Variants in CPED1 observed in about 807,000 individuals in gnomAD.
The protein encoded by CPED1 is cadherin like and PC-esterase domain containing 1, also known as cadherin-like and PC-esterase domain-containing protein 1.
In CPED1, 114 loss-of-function variants were observed where a neutral mutation model predicts 128.2. That is an observed-to-expected ratio of 0.89 (90% CI 0.76 to 1.04). CPED1 has a LOEUF of 1.04. Among genes scored for constraint, CPED1 ranks in the 50% least tolerant of loss-of-function variants. The probability of loss-of-function intolerance (pLI) is 0.00; values close to 1 mark genes in which losing one functional copy is unlikely to be tolerated. For synonymous variants in CPED1, 462 were observed against 426.7 expected, an observed-to-expected ratio of 1.08 and a Z score of -1.02; for missense variants, 1,211 against 1,207.1, an observed-to-expected ratio of 1.00 and a Z score of -0.05.
intron 16 of CPED1, among the ~76,000 whole-genome samples, chr7:121,199,402 G>A (rs775585960): frequency 5.9e-5 from 9 of 151,894 alleles, no homozygotes; most frequent in African/African-American, 1.9e-4. Context: ...ACATAGGGCT[G>A]AGCGCGGTGG....
At chr7:121,107,657 G>A (rs1390434701) in intron 7 of CPED1, among the ~76,000 whole-genome samples, 1 of 152,050 alleles carries the variant, frequency 6.6e-6, no homozygotes, top group Non-Finnish European at 1.5e-5. Context: ...TCGCTTTAAT[G>A]CTTAAGTTTA....
chr7:121,291,185 A>G (rs1351262287), intron 22 of CPED1, among the ~76,000 whole-genome samples: 1 of 152,214 alleles, frequency 6.6e-6, no homozygotes. Context: ...TACCAGTACC[A>G]TGCTGTTTTG....
At chr7:121,026,382 C>T (rs1428360381) in intron 3 of CPED1, among the ~76,000 whole-genome samples, 1 of 152,154 alleles carries the variant, frequency 6.6e-6, no homozygotes, top group African/African-American at 2.4e-5. Context: ...TCCCCTTTCC[C>T]TACAGCTGCT....
chr7:121,070,603 G>A (rs1793959656), intron 5 of CPED1, among the ~76,000 whole-genome samples: 1 of 152,042 alleles, frequency 6.6e-6, no homozygotes, highest in African/African-American at 2.4e-5. Flanking sequence ...TATAAAAGAA[G>A]CTTGCAAACC....
chr7:121,036,021 T>A (rs1176958945), intron 3 of CPED1, among the ~76,000 whole-genome samples: 3 of 151,954 alleles, frequency 2.0e-5, no homozygotes, highest in Non-Finnish European at 4.4e-5. Context: ...GAAGCAATAG[T>A]TAAAACCATA....
At chr7:121,120,852 A>G (rs1795365256) in intron 7 of CPED1, among the ~76,000 whole-genome samples, 1 of 151,890 alleles carries the variant, frequency 6.6e-6, no homozygotes, top group Non-Finnish European at 1.5e-5. Flanking sequence ...TCTCTTATCA[A>G]GGTATCTGTG....
intron 3 of CPED1, among the ~76,000 whole-genome samples, chr7:121,035,867 AAGG>A (rs1792869789): frequency 6.6e-6 from 1 of 151,852 alleles, no homozygotes. Flanking sequence ...AATAAATAAA[AAGG>A]AGGAAGAGCG....
chr7:121,283,792 T>C (rs1384260806), intron 22 of CPED1, among the ~76,000 whole-genome samples: 3 of 152,204 alleles, frequency 2.0e-5, no homozygotes, highest in African/African-American at 7.2e-5. Context: ...CTGTCTCCCA[T>C]GGTTCTGCCT....
At position 120,989,375 on chromosome 7, in the gene CPED1, CT is replaced by C; in HGVS notation, c.-231-9del. ...CGTTACAACTATTATTATTTGATGT[CT>C]TTTTTTAAACTCAGGTCATCCACTT... On this transcript the variant is annotated splice_polypyrimidine_tract_variant and intron_variant, in intron 1 of 22. Transcript: ENST00000310396. 2 of 495,042 alleles carry C rather than the reference CT, an allele frequency of 4.0e-6. No individual in the cohort carries two copies. Among genetic ancestry groups the C allele is most frequent in the East Asian group, 3.9e-5 (1 of 25,924 alleles). 30.7% of individuals were successfully genotyped at this position (495,042 alleles called of 1,614,324 possible). A position where few individuals can be genotyped will look rare whatever the true frequency, so the allele number is the denominator to read the frequency against.
At chr7:121,165,096 C>T (rs1563051554) in intron 16 of CPED1, among the ~76,000 whole-genome samples, 2 of 152,048 alleles carry the variant, frequency 1.3e-5, no homozygotes, top group South Asian at 4.1e-4. Context: ...ACATAAATTA[C>T]TATGTTTCTT....
intron 7 of CPED1, among the ~76,000 whole-genome samples, chr7:121,122,064 C>T (rs1795404091): frequency 6.6e-6 from 1 of 150,880 alleles, no homozygotes; most frequent in South Asian, 2.1e-4. Context: ...CGTGATTCTA[C>T]TTTAATTTCT....
intron 22 of CPED1, among the ~76,000 whole-genome samples, chr7:121,293,529 G>C (rs1392932098): frequency 1.3e-5 from 2 of 152,094 alleles, no homozygotes; most frequent in Non-Finnish European, 2.9e-5. Context: ...TGTCTTGCTG[G>C]TGTTCCAGGC....
chr7:121,051,115 AAAG>A (rs1793341604), intron 4 of CPED1: 2 of 524,654 alleles, frequency 3.8e-6, no homozygotes, highest in South Asian at 1.5e-5. Context: ...CCAAGAAACT[AAAG>A]AAGATTTACC....
chr7:121,113,066 C>T (rs761087140), intron 7 of CPED1, among the ~76,000 whole-genome samples: 14 of 152,128 alleles, frequency 9.2e-5, no homozygotes, highest in Admixed American at 2.0e-4. Flanking sequence ...AGTATAATTT[C>T]ACCCACAATA....
At chr7:121,128,601 T>C in intron 11 of CPED1, 115 bp downstream of exon 11, 1 of 630,648 alleles carries the variant, frequency 1.6e-6, no homozygotes, top group East Asian at 2.7e-5. Flanking sequence ...GAAATAGAAA[T>C]CTTTATAAGC....
intron 7 of CPED1, among the ~76,000 whole-genome samples, chr7:121,107,218 A>C (rs748056514): frequency 1.3e-5 from 2 of 152,138 alleles, no homozygotes; most frequent in African/African-American, 2.4e-5. Flanking sequence ...CTAGAGAGTT[A>C]TTGAATTTAA....
chr7:121,208,828 A>G (rs1797578257), intron 16 of CPED1, among the ~76,000 whole-genome samples: 1 of 152,042 alleles, frequency 6.6e-6, no homozygotes, highest in Non-Finnish European at 1.5e-5. Flanking sequence ...GTAAAATATG[A>G]TTAATATTTT....
chr7:121,050,462 T>TTG (rs1195632335), intron 4 of CPED1: 1 of 142,462 alleles, frequency 7.0e-6, no homozygotes, highest in Non-Finnish European at 1.5e-5. Context: ...CAATATAGGT[T>TTG]TTTTTTTTTT....
intron 21 of CPED1, among the ~76,000 whole-genome samples, chr7:121,268,623 A>T (rs1040033883): frequency 1.4e-5 from 2 of 147,442 alleles, no homozygotes; most frequent in Non-Finnish European, 3.0e-5. Context: ...CCTTGCTACC[A>T]GTGCATGTGC....
Sources: gnomAD v4.1 joint callset for allele counts (sites outside exome capture counted in the v4.1 genomes callset) on GRCh38, gnomAD v4.1.1 for gene constraint, MANE v1.5 for transcripts, NCBI Gene and HGNC (gene_info 2026-07-23, HGNC 2026-07-21) for gene names.